Variants in GOLPH3 observed in about 807,000 individuals in gnomAD.
GOLPH3 encodes the protein coat protein GPP34.
Under a neutral mutation model 28.5 loss-of-function variants are expected in GOLPH3, and 14 were observed. The observed-to-expected ratio is 0.49, with a 90% confidence interval of 0.32 to 0.77. The LOEUF is 0.77. GOLPH3 is among the 30% of genes least tolerant of loss of function. The pLI, the probability that GOLPH3 is intolerant of heterozygous loss-of-function variation, is 0.03. For missense variants in GOLPH3, 350 were observed against 393.7 expected (o/e 0.89, Z 0.94); for synonymous variants, 158 against 159.2 (o/e 0.99, Z 0.06).
chr5:32,171,955 GAAAA>G (rs1219607148), intron 1 of GOLPH3, among the ~76,000 whole-genome samples: 1 of 138,570 alleles, frequency 7.2e-6, no homozygotes, highest in Non-Finnish European at 1.6e-5. Flanking sequence ...TCTAAAAAAA[GAAAA>G]AAAAAAAGAC....
intron 1 of GOLPH3, among the ~76,000 whole-genome samples, chr5:32,158,037 C>T (rs1410202241): frequency 7.6e-6 from 1 of 131,586 alleles, no homozygotes; most frequent in East Asian, 2.1e-4. Context: ...CACACACACA[C>T]ACACACACAC....
At position 32,174,084 on chromosome 5, in the gene GOLPH3, G is replaced by T. The variant is rs929587457; in HGVS notation, c.-50C>A. 12 of 1,196,318 alleles carry T rather than the reference G, an allele frequency of 1.0e-5. No individual in the cohort carries two copies. The African/African-American group carries it at 1.7e-4, about 17-fold the overall frequency. The allele number at this position is 1,196,318 out of a possible 1,614,324, so 74.1% of individuals were successfully genotyped here. A position where few individuals can be genotyped will look rare whatever the true frequency, so the allele number is the denominator to read the frequency against. The stretch of plus-strand genomic sequence containing the variant: ...GGCCGAGAGGGTCGCAGGACCGACC[G>T]GGTCGCCCTCCTCCTCCCCGCGCGG... On this transcript the variant is annotated 5_prime_UTR_variant, in exon 1 of 4. Transcript: ENST00000265070.
At chr5:32,133,222 A>G (rs1290589763) in intron 3 of GOLPH3, among the ~76,000 whole-genome samples, 1 of 152,248 alleles carries the variant, frequency 6.6e-6, no homozygotes, top group African/African-American at 2.4e-5. Context: ...AACAGCAGCC[A>G]TAGGTGAGAA....
At chr5:32,148,962 C>T (rs568062858) in intron 1 of GOLPH3, among the ~76,000 whole-genome samples, 4 of 151,988 alleles carry the variant, frequency 2.6e-5, no homozygotes, top group East Asian at 1.9e-4. Context: ...GCAACAAGAG[C>T]GAAACTCCAT....
intron 1 of GOLPH3, among the ~76,000 whole-genome samples, chr5:32,147,383 G>C (rs1003991809): frequency 1.3e-5 from 2 of 151,830 alleles, no homozygotes; most frequent in African/African-American, 4.8e-5. Context: ...GCAGTGAGCC[G>C]AGATTGCACC....
At chr5:32,137,990 G>A (rs1237323679) in intron 2 of GOLPH3, among the ~76,000 whole-genome samples, 7 of 146,794 alleles carry the variant, frequency 4.8e-5, no homozygotes, top group Admixed American at 7.0e-5. Flanking sequence ...TGCAACCTCC[G>A]CCTCCAGGGT....
chr5:32,134,211 A>T (rs909560443), intron 3 of GOLPH3, among the ~76,000 whole-genome samples: 8 of 151,780 alleles, frequency 5.3e-5, no homozygotes, highest in Admixed American at 2.0e-4. Flanking sequence ...CTCTACAAAA[A>T]ATTTTTTTTC....
intron 2 of GOLPH3, among the ~76,000 whole-genome samples, chr5:32,136,679 A>G (rs1745940060): frequency 6.6e-6 from 1 of 152,078 alleles, no homozygotes; most frequent in Non-Finnish European, 1.5e-5. Context: ...GAAAATCCGA[A>G]CTCCTTCAAA....
At chr5:32,143,709 C>T in intron 2 of GOLPH3, 40 bp downstream of exon 2, 1 of 1,563,072 alleles carries the variant, frequency 6.4e-7, no homozygotes, top group Non-Finnish European at 8.7e-7. Flanking sequence ...TTAAGCAGTA[C>T]AACCTCTTTA....
At chr5:32,163,388 CTT>C (rs1419094699) in intron 1 of GOLPH3, among the ~76,000 whole-genome samples, 1 of 152,152 alleles carries the variant, frequency 6.6e-6, no homozygotes, top group East Asian at 1.9e-4. Context: ...AAAAATTTTT[CTT>C]TGTGGCCGGG....
chr5:32,140,588 G>A (rs1466473074), intron 2 of GOLPH3, among the ~76,000 whole-genome samples: 1 of 151,590 alleles, frequency 6.6e-6, no homozygotes, highest in Non-Finnish European at 1.5e-5. Flanking sequence ...GAGGCTGATA[G>A]GGAGGCGGAG....
Position 32,155,098 on chromosome 5 carries a change from C to CAAAAAA in GOLPH3, c.226-11224_226-11219dup, listed in dbSNP as rs55955910. ...TGGGCGACAGAGCAAGACTCTGTCT[C>CAAAAAA]AAAAAAAAAAAAAAATTAACGTTCT... On this transcript the variant is annotated intron_variant, in intron 1 of 3. Coordinates refer to ENST00000265070, the MANE Select transcript of GOLPH3 (RefSeq NM_022130.4). Among the ~76,000 whole-genome samples the CAAAAAA allele has an allele frequency of 1.6e-3, 176 of 112,966 alleles. 13 individuals carry two copies. The highest frequency in any genetic ancestry group is 1.1e-3 in the African/African-American group (30 of 26,504). The allele number at this position is 112,966 out of a possible 152,430, so 74.1% of individuals were successfully genotyped here.
At chr5:32,144,437 T>A (rs973944317) in intron 1 of GOLPH3, among the ~76,000 whole-genome samples, 4 of 152,070 alleles carry the variant, frequency 2.6e-5, no homozygotes, top group African/African-American at 7.2e-5. Context: ...CCAAAAAAAA[T>A]TAATTAGCTA....
chr5:32,147,919 A>G (rs1262742982), intron 1 of GOLPH3, among the ~76,000 whole-genome samples: 1 of 152,236 alleles, frequency 6.6e-6, no homozygotes, highest in Non-Finnish European at 1.5e-5. Flanking sequence ...TTCTGAGACT[A>G]GTTTTCTTCA....
chr5:32,156,037 T>G (rs549146804), intron 1 of GOLPH3, among the ~76,000 whole-genome samples: 1 of 137,964 alleles, frequency 7.2e-6, no homozygotes, highest in Non-Finnish European at 1.5e-5. Flanking sequence ...CATTAAGTCA[T>G]GAAGGCAGAA....
At chr5:32,130,296 G>T (rs976049445) in intron 3 of GOLPH3, among the ~76,000 whole-genome samples, 1 of 152,114 alleles carries the variant, frequency 6.6e-6, no homozygotes, top group Non-Finnish European at 1.5e-5. Flanking sequence ...TGTGTTAAAC[G>T]ACTTAGGGAA....
At chr5:32,172,523 C>A (rs1213304612) in intron 1 of GOLPH3, among the ~76,000 whole-genome samples, 1 of 152,024 alleles carries the variant, frequency 6.6e-6, no homozygotes, top group Non-Finnish European at 1.5e-5. Flanking sequence ...GGTGAAACCC[C>A]GTCTCTACTA....
chr5:32,163,791 T>A (rs1746647640), intron 1 of GOLPH3, among the ~76,000 whole-genome samples: 1 of 152,178 alleles, frequency 6.6e-6, no homozygotes, highest in Non-Finnish European at 1.5e-5. Flanking sequence ...AATTTCACTT[T>A]AGCTACACAA....
chr5:32,144,013 T>G (rs1746140037), intron 1 of GOLPH3, 133 bp from the exon 2 acceptor site: 1 of 525,772 alleles, frequency 1.9e-6, no homozygotes. Flanking sequence ...AATAATATAC[T>G]GAAAAAATAC....
Sources: gnomAD v4.1 joint callset for allele counts (sites outside exome capture counted in the v4.1 genomes callset) on GRCh38, gnomAD v4.1.1 for gene constraint, MANE v1.5 for transcripts, NCBI Gene and HGNC (gene_info 2026-07-23, HGNC 2026-07-21) for gene names.